Variants in NGEF observed in about 807,000 individuals in gnomAD.
The protein encoded by NGEF is neuronal guanine nucleotide exchange factor.
A neutral mutation model predicts 80.9 loss-of-function variants in NGEF; 31 were observed. The ratio of observed to expected loss-of-function variants is 0.38; its 90% confidence interval spans 0.29 to 0.52. NGEF has a LOEUF of 0.52. Ranked by LOEUF, NGEF falls within the 20% of genes least tolerant of loss-of-function variation. The pLI is 0.84. For missense variants in NGEF, 709 were observed against 926.2 expected, an observed-to-expected ratio of 0.77 and a Z score of 3.04; for synonymous variants, 371 against 370.2, an observed-to-expected ratio of 1.00 and a Z score of -0.03.
intron 1 of NGEF, among the ~76,000 whole-genome samples, chr2:233,005,169 A>G (rs1009414501): frequency 1.3e-5 from 2 of 152,178 alleles, no homozygotes; most frequent in African/African-American, 4.8e-5. Flanking sequence ...GATGCCCCCA[A>G]TGTGCCATTT....
chr2:232,948,508 T>A (rs1318617620), intron 3 of NGEF, among the ~76,000 whole-genome samples: 1 of 151,992 alleles, frequency 6.6e-6, no homozygotes. Flanking sequence ...TTCACACAGT[T>A]TAGGGGAAAT....
intron 5 of NGEF, among the ~76,000 whole-genome samples, chr2:232,903,440 A>G (rs1216988679): frequency 7.3e-6 from 1 of 136,546 alleles, no homozygotes; most frequent in African/African-American, 3.6e-5. Context: ...ATGAGGGCAC[A>G]CACACACACA....
chr2:232,964,999 G>A (rs1182284870), intron 3 of NGEF, among the ~76,000 whole-genome samples: 1 of 152,178 alleles, frequency 6.6e-6, no homozygotes, highest in Non-Finnish European at 1.5e-5. Context: ...TCAAGCTACA[G>A]ACCCAAGATC....
chr2:232,938,351 C>G (rs1039128179), intron 3 of NGEF, among the ~76,000 whole-genome samples: 3 of 152,144 alleles, frequency 2.0e-5, no homozygotes, highest in Non-Finnish European at 2.9e-5. Flanking sequence ...TATCGCATAG[C>G]CTTCATGGAA....
Position 232,993,163 on chromosome 2 carries a change from A to G in NGEF, c.-74-18199T>C, listed in dbSNP as rs1370314160. 2.5e-4 allele frequency among the ~76,000 whole-genome samples: 30 copies of G among 117,854 alleles called. 2 individuals are homozygous for G. The East Asian group carries it at 6.3e-3, about 25-fold the overall frequency. 77.3% of individuals were successfully genotyped at this position (117,854 alleles called of 152,430 possible). A position where few individuals can be genotyped will look rare whatever the true frequency, so the allele number is the denominator to read the frequency against. ...TATATATATATGGGCAAATATATAT[A>G]TATTATATATATAAATAAATATATA... On this transcript the variant is annotated intron_variant, in intron 1 of 14. Coordinates refer to ENST00000264051, the MANE Select transcript of NGEF (RefSeq NM_019850.3).
At chr2:232,958,454 G>C (rs866632488) in intron 3 of NGEF, among the ~76,000 whole-genome samples, 1 of 152,168 alleles carries the variant, frequency 6.6e-6, no homozygotes, top group African/African-American at 2.4e-5. Flanking sequence ...TTCTGCCCGG[G>C]AGTCGGCATG....
intron 12 of NGEF, 32 bp from the exon 13 acceptor site, chr2:232,882,297 G>T (rs374294493): frequency 1.2e-5 from 19 of 1,586,828 alleles, no homozygotes; most frequent in Admixed American, 1.7e-5. Flanking sequence ...TGCCCCAACT[G>T]CAGATCAACG....
intron 4 of NGEF, among the ~76,000 whole-genome samples, chr2:232,924,753 C>T (rs1083515): frequency 0.43 from 65,587 of 151,586 alleles, 14,221 homozygotes; most frequent in Admixed American, 0.46. Flanking sequence ...ACTTTTGTTG[C>T]TTAAGAGCAC....
rs5839464 is a variant in NGEF at position 233,010,575 on chromosome 2, A to AT, written c.-75+2492dup. Among the ~76,000 whole-genome samples the AT allele has an allele frequency of 7.7e-4, 114 of 148,538 alleles. 1 individual carries two copies. Among genetic ancestry groups the AT allele is most frequent in the Middle Eastern group, 3.5e-3 (1 of 288 alleles). On this transcript the variant is annotated intron_variant, in intron 1 of 14. Coordinates refer to ENST00000264051, the MANE Select transcript of NGEF (RefSeq NM_019850.3). The stretch of plus-strand genomic sequence containing the variant: ...CCCATCCTCCTCATTTGAACGTGTG[A>AT]TTTTTTTTTTTCCTTGTCCACAGGC...
intron 11 of NGEF, 118 bp from the exon 12 acceptor site, chr2:232,883,584 T>C: frequency 9.5e-7 from 1 of 1,054,478 alleles, no homozygotes; most frequent in Non-Finnish European, 1.3e-6. Flanking sequence ...GATCTTCACC[T>C]CCTTCTGAAG....
chr2:233,002,783 G>C (rs986345096), intron 1 of NGEF, among the ~76,000 whole-genome samples: 3 of 152,222 alleles, frequency 2.0e-5, no homozygotes, highest in African/African-American at 7.2e-5. Flanking sequence ...TCGGAGCTAA[G>C]CCTTCCCTCC....
intron 12 of NGEF, among the ~76,000 whole-genome samples, chr2:232,883,106 C>T (rs1036084646): frequency 9.2e-5 from 14 of 152,170 alleles, no homozygotes; most frequent in Admixed American, 3.9e-4. Flanking sequence ...CACGTACACG[C>T]GTACACGCAT....
At chr2:232,883,209 G>T in intron 12 of NGEF, 102 bp downstream of exon 12, 1 of 1,348,392 alleles carries the variant, frequency 7.4e-7, no homozygotes, top group Non-Finnish European at 1.0e-6. Flanking sequence ...CACACAGAGC[G>T]TGTGTGGTGC....
In NGEF at chr2:232,974,746, G is replaced by A. The variant is rs1271651323; in HGVS notation, c.145C>T (p.Gln49Ter). 1 of 1,614,218 alleles carries A rather than the reference G, an allele frequency of 6.2e-7. No individual in the cohort carries two copies. Among genetic ancestry groups the A allele is most frequent in the Admixed American group, 1.7e-5 (1 of 60,024 alleles). Residue 49 changes from glutamine to a stop codon, truncating the protein, a stop_gained, in exon 2 of 15, where the codon CAA becomes TAA. Coordinates refer to ENST00000264051, the MANE Select transcript of NGEF (RefSeq NM_019850.3). LOFTEE classifies it high-confidence loss of function. ...EETSQADQDI[Q>*]DKEPHCHIPI... Reference sequence around the variant, plus strand: ...ATGTGGCAATGAGGCTCTTTGTCTTGGATATCCTGGTCAGCTTGAGAAGTC... The same window carrying A: ...ATGTGGCAATGAGGCTCTTTGTCTTAGATATCCTGGTCAGCTTGAGAAGTC...
rs57854484 is a variant in NGEF, at chr2:232,883,052, A to AACAC, written c.1757+255_1757+258dup. Among the ~76,000 whole-genome samples the AACAC allele has an allele frequency of 6.3e-3, 947 of 150,344 alleles. 7 individuals are homozygous for AACAC. Among genetic ancestry groups the AACAC allele is most frequent in the South Asian group, 0.016 (76 of 4,704 alleles). On this transcript the variant is annotated intron_variant, in intron 12 of 14. Transcript: ENST00000264051. ...CGCCCAGAGTCTGAAGCCCCAAGGGAACACACACACACACACACACACACA... is the reference window on the plus strand; with the variant it reads ...CGCCCAGAGTCTGAAGCCCCAAGGGAACACACACACACACACACACACACACACA...
intron 4 of NGEF, among the ~76,000 whole-genome samples, chr2:232,921,592 C>T (rs1004305926): frequency 3.3e-5 from 5 of 151,758 alleles, no homozygotes; most frequent in Non-Finnish European, 7.4e-5. Context: ...GCTAGGACTA[C>T]AGGTGTGTGT....
At chr2:232,901,826 G>T (rs1274116126) in intron 5 of NGEF, among the ~76,000 whole-genome samples, 3 of 152,234 alleles carry the variant, frequency 2.0e-5, no homozygotes, top group African/African-American at 7.2e-5. Context: ...GCGTCCTTCC[G>T]GGACTCCCTT....
intron 5 of NGEF, among the ~76,000 whole-genome samples, chr2:232,895,223 A>G (rs1332402154): frequency 6.6e-6 from 1 of 152,120 alleles, no homozygotes; most frequent in Non-Finnish European, 1.5e-5. Flanking sequence ...AATATGAAAC[A>G]AGACAAAAAC....
intron 1 of NGEF, among the ~76,000 whole-genome samples, chr2:233,010,338 C>G (rs370357132): frequency 8.5e-5 from 13 of 152,310 alleles, no homozygotes; most frequent in African/African-American, 3.1e-4. Flanking sequence ...TTTAGAGAAC[C>G]TGGAGCATTC....
Sources: allele counts gnomAD v4.1 joint callset (sites outside exome capture counted in the v4.1 genomes callset), GRCh38; gene constraint gnomAD v4.1.1; transcripts MANE v1.5; gene names NCBI Gene and HGNC (gene_info 2026-07-23, HGNC 2026-07-21).